Variants in PCDHGB2 observed in about 807,000 individuals in gnomAD.
PCDHGB2 encodes the protein protocadherin gamma-B2.
A neutral mutation model predicts 59.3 loss-of-function variants in PCDHGB2; 55 were observed. That is an observed-to-expected ratio of 0.93 (90% confidence interval 0.75 to 1.16). PCDHGB2 has a LOEUF of 1.16. Among genes scored for constraint, PCDHGB2 ranks in the 50% most tolerant of loss-of-function variants. The probability of loss-of-function intolerance (pLI) is 0.00; values close to 1 mark genes in which losing one functional copy is unlikely to be tolerated. For synonymous variants in PCDHGB2, 516 were observed against 512.0 expected, an observed-to-expected ratio of 1.01 and a Z score of -0.11; for missense variants, 1,228 against 1,198.5, an observed-to-expected ratio of 1.02 and a Z score of -0.36.
intron 1 of PCDHGB2, among the ~76,000 whole-genome samples, chr5:141,494,447 G>C (rs1413012155): frequency 6.6e-6 from 1 of 152,118 alleles, no homozygotes. Context: ...GCCACTTTAG[G>C]GGGCTTTGTC....
intron 1 of PCDHGB2, chr5:141,395,733 T>C (rs567626582): frequency 5.9e-5 from 9 of 153,748 alleles, no homozygotes; most frequent in African/African-American, 2.2e-4. Context: ...TTTCTTCACT[T>C]TAAACCTCTT....
chr5:141,384,673 G>A (rs1029531424), intron 1 of PCDHGB2: 2 of 1,614,108 alleles, frequency 1.2e-6, no homozygotes, highest in South Asian at 1.1e-5. Context: ...GACCAAGGTG[G>A]TGGCGGTGGA....
Position 141,486,885 on chromosome 5 carries a change from G to A in PCDHGB2, c.2422-7922G>A, listed in dbSNP as rs139638334. On this transcript the variant is annotated intron_variant, in intron 1 of 3. Transcript: ENST00000522605. The surrounding 1 kb of genome is among the most constrained non-coding windows in gnomAD (Gnocchi z 5.0). ...CCAGCTGTGCTCCGTCCTCGGGCCC[G>A]GCCTGGTTCCTTATGTCCCCAAGCA... is the stretch of plus-strand genomic sequence containing the variant. 16 of 1,614,076 alleles carry A rather than the reference G, an allele frequency of 9.9e-6. No individual in the cohort carries two copies. The highest frequency in any genetic ancestry group is 1.6e-4 in the Middle Eastern group (1 of 6,084).
chr5:141,388,848 G>T (rs766706887), intron 1 of PCDHGB2: 1 of 1,613,942 alleles, frequency 6.2e-7, no homozygotes, highest in East Asian at 2.2e-5. Context: ...AGCAAGGGAC[G>T]GTGGAGGAAT....
rs143767010 is a variant in PCDHGB2 at position 141,460,190 on chromosome 5, A to G, written c.2422-34617A>G. 3.2e-3 allele frequency among the ~76,000 whole-genome samples: 486 copies of G among 152,218 alleles called. 1 individual carries two copies. Among genetic ancestry groups the G allele is most frequent in the Non-Finnish European group, 4.9e-3 (336 of 68,006 alleles). ...TTTTGTGGATATTTTATCCCAGACTATGACTTGTCTTTTCATTTTCTTAGT... is the reference window on the plus strand; with the variant it reads ...TTTTGTGGATATTTTATCCCAGACTGTGACTTGTCTTTTCATTTTCTTAGT... On this transcript the variant is annotated intron_variant, in intron 1 of 3. Coordinates refer to ENST00000522605, the MANE Select transcript of PCDHGB2 (RefSeq NM_018923.3).
Position 141,476,241 on chromosome 5 carries a change from A to G in PCDHGB2, c.2422-18566A>G, listed in dbSNP as rs375405507. ...CACTATGAGATCCCGGAGGAAAGAG[A>G]GAAGGGTTTCGCTGTGGGCAACGTG... On this transcript the variant is annotated intron_variant, in intron 1 of 3. Transcript: ENST00000522605. The surrounding 1 kb of genome is among the most constrained non-coding windows in gnomAD (Gnocchi z 7.6). 3.7e-6 allele frequency: 6 copies of G among 1,613,626 alleles called. No homozygotes were observed. The highest frequency in any genetic ancestry group is 2.2e-5 in the East Asian group (1 of 44,834).
At chr5:141,478,088 A>G (rs2099429877) in intron 1 of PCDHGB2, 2 of 1,613,944 alleles carry the variant, frequency 1.2e-6, no homozygotes, top group African/African-American at 1.3e-5. Context: ...TTCGCTCTCC[A>G]CCACTGCTAC....
chr5:141,490,065 C>A lies in PCDHGB2; in HGVS notation c.2422-4742C>A, dbSNP rs1161257597. ...CTGATCCAGACGAGGGCACCAACGG[C>A]CAACTAGACTATTCTTTTGGAGACC... On this transcript the variant is annotated intron_variant, in intron 1 of 3. Coordinates refer to ENST00000522605, the MANE Select transcript of PCDHGB2 (RefSeq NM_018923.3). This position sits in a 1 kb window ranked among gnomAD's most constrained non-coding sequence, Gnocchi z 5.4. 1 of 1,614,258 alleles carries A rather than the reference C, an allele frequency of 6.2e-7. No individual in the cohort carries two copies. Among genetic ancestry groups the A allele is most frequent in the South Asian group, 1.1e-5 (1 of 91,090 alleles).
intron 1 of PCDHGB2, chr5:141,389,391 G>A (rs544096177): frequency 1.2e-6 from 2 of 1,613,686 alleles, no homozygotes; most frequent in East Asian, 2.2e-5. Flanking sequence ...GTCATCCTAC[G>A]TGTCCATAAG....
chr5:141,430,110 C>T (rs919470038), intron 1 of PCDHGB2, among the ~76,000 whole-genome samples: 1 of 152,060 alleles, frequency 6.6e-6, no homozygotes, highest in Admixed American at 6.5e-5. Flanking sequence ...CGTTACATGT[C>T]AACAACCTGG....
intron 1 of PCDHGB2, chr5:141,410,789 A>C: frequency 1.3e-6 from 1 of 794,444 alleles, no homozygotes; most frequent in Non-Finnish European, 1.8e-6. Context: ...TATTTGGTTC[A>C]TAAGTTGCTC....
At chr5:141,412,792 C>T (rs1387029327) in intron 1 of PCDHGB2, among the ~76,000 whole-genome samples, 1 of 152,194 alleles carries the variant, frequency 6.6e-6, no homozygotes. Flanking sequence ...TCCACTTTAT[C>T]ACACCTCCCC....
rs1405312992 is a variant in PCDHGB2, at chr5:141,361,570, C to G, written c.1435C>G (p.Pro479Ala). The G allele has an allele frequency of 6.2e-7, 1 of 1,613,918 alleles. No homozygotes were observed. The highest frequency in any genetic ancestry group is 8.5e-7 in the Non-Finnish European group (1 of 1,179,902). Reference sequence around the variant, plus strand: ...TATCGCTCAAATCAGTGCCTCTGACCCTGACTTGGGCCCCAGTGGCCAAGT... The same window carrying G: ...TATCGCTCAAATCAGTGCCTCTGACGCTGACTTGGGCCCCAGTGGCCAAGT... ...ASIAQISASD[P>A]DLGPSGQVSY... Residue 479 changes from proline to alanine, a missense_variant, in exon 1 of 4, where the codon CCT becomes GCT. Coordinates refer to ENST00000522605, the MANE Select transcript of PCDHGB2 (RefSeq NM_018923.3).
intron 1 of PCDHGB2, chr5:141,412,979 C>A: frequency 1.8e-6 from 1 of 542,930 alleles, no homozygotes; most frequent in Non-Finnish European, 3.2e-6. Flanking sequence ...AAAACGCAGC[C>A]AGAGCTCAAT....
At chr5:141,410,473 A>G (rs1347318074) in intron 1 of PCDHGB2, 1 of 1,614,028 alleles carries the variant, frequency 6.2e-7, no homozygotes, top group East Asian at 2.2e-5. Context: ...TGTGCATTGC[A>G]CATACGGGTA....
At position 141,399,354 on chromosome 5, in the gene PCDHGB2, G is replaced by A. The variant is rs559321354; in HGVS notation, c.2421+36798G>A. The A allele has an allele frequency of 3.7e-6, 6 of 1,614,008 alleles. No homozygotes were observed. The Admixed American group carries it at 1.0e-4, about 27-fold the overall frequency. On this transcript the variant is annotated intron_variant, in intron 1 of 3. Coordinates refer to ENST00000522605, the MANE Select transcript of PCDHGB2 (RefSeq NM_018923.3). ...TAACAGATGGAACCCTAGACCGAGA[G>A]CAAACCCCGGAGTACAATGTCACCA...
In PCDHGB2 at chr5:141,511,067, C is replaced by T. The variant is rs760786015; in HGVS notation, c.2690C>T (p.Pro897Leu). The change falls in exon 4 of 4, where the codon CCA (proline) becomes CTA (leucine). Residue 897 changes from proline (P) to leucine (L), a missense_variant. Pro to Leu is a moderately conservative substitution (Grantham distance 98). Coordinates refer to ENST00000522605, the MANE Select transcript of PCDHGB2 (RefSeq NM_018923.3). ...VPDYRQNVYI[P>L]GSNATLTNAA... ...GACTACCGCCAGAATGTCTACATCC[C>T]AGGCAGCAATGCCACACTGACCAAC... 7.4e-6 allele frequency: 12 copies of T among 1,614,136 alleles called. No homozygotes were observed. Among genetic ancestry groups the T allele is most frequent in the African/African-American group, 1.3e-5 (1 of 74,942 alleles).
chr5:141,370,565 C>A, intron 1 of PCDHGB2: 4 of 1,613,782 alleles, frequency 2.5e-6, no homozygotes, highest in African/African-American at 1.3e-5. Context: ...TGGGGTTTGG[C>A]GTGGGGGATT....
chr5:141,490,837 G>A lies in PCDHGB2; in HGVS notation c.2422-3970G>A. On this transcript the variant is annotated intron_variant, in intron 1 of 3. Coordinates refer to ENST00000522605, the MANE Select transcript of PCDHGB2 (RefSeq NM_018923.3). This position sits in a 1 kb window ranked among gnomAD's most constrained non-coding sequence, Gnocchi z 5.4. ...TGAATTGCTGCAGATGCTGCAGATTGTGGTGGGGGTTCGAGACTCCGGCTC... is the reference window on the plus strand; with the variant it reads ...TGAATTGCTGCAGATGCTGCAGATTATGGTGGGGGTTCGAGACTCCGGCTC... The A allele has an allele frequency of 1.9e-6, 3 of 1,613,914 alleles. No homozygotes were observed. The highest frequency in any genetic ancestry group is 2.2e-5 in the South Asian group (2 of 91,072).
Sources: gnomAD v4.1 joint callset for allele counts (sites outside exome capture counted in the v4.1 genomes callset) on GRCh38, gnomAD v4.1.1 for gene constraint, Gnocchi (gnomAD v3.1) non-coding constraint, MANE v1.5 for transcripts, NCBI Gene and HGNC (gene_info 2026-07-23, HGNC 2026-07-21) for gene names.